The following TBX5 variants were observed in gnomAD, a reference collection of about 807,000 sequenced individuals.
The protein encoded by TBX5 is T-box transcription factor TBX5.
TBX5 carries 8 observed loss-of-function variants against 51.1 expected under a neutral mutation model. The observed-to-expected ratio is 0.16, with a 90% CI of 0.09 to 0.28. The LOEUF (loss-of-function observed/expected upper bound fraction) is 0.28. Among genes scored for constraint, TBX5 ranks in the 10% least tolerant of loss-of-function variants. TBX5 has a pLI of 1.00. For missense variants in TBX5, 589 were observed against 671.7 expected (o/e 0.88, Z 1.36); for synonymous variants, 302 against 266.4 (o/e 1.13, Z -1.30).
Position 114,355,482 on chromosome 12 carries a change from T to C in TBX5, c.*50A>G. On this transcript the variant is annotated 3_prime_UTR_variant, in exon 9 of 9. Transcript: ENST00000405440. ...TCTCTCTCCTTCTCTCTCTTTCTCC[T>C]CTCTCTCTCTCTTTCTCTAGGAAAT... The C allele has an allele frequency of 3.4e-6, 3 of 893,088 alleles. No individual in the cohort carries two copies. Among genetic ancestry groups the C allele is most frequent in the Admixed American group, 2.9e-5 (1 of 34,760 alleles). The allele number at this position is 893,088 out of a possible 1,614,324, so 55.3% of individuals were successfully genotyped here.
intron 8 of TBX5, among the ~76,000 whole-genome samples, chr12:114,363,975 C>T (rs915428043): frequency 1.1e-4 from 17 of 152,178 alleles, no homozygotes; most frequent in Admixed American, 2.6e-4. Flanking sequence ...CCGGGAGTCA[C>T]GCCAGGGGGC....
At chr12:114,403,957 G>T in intron 1 of TBX5, 21 bp from the exon 2 acceptor site, 1 of 1,591,952 alleles carries the variant, frequency 6.3e-7, no homozygotes, top group Non-Finnish European at 8.5e-7. Flanking sequence ...GAAGCAGGGG[G>T]AGATGGGGGT....
At chr12:114,396,138 G>T (rs1354323312) in intron 5 of TBX5, among the ~76,000 whole-genome samples, 1 of 152,076 alleles carries the variant, frequency 6.6e-6, no homozygotes, top group South Asian at 2.1e-4. Context: ...AGTTGGGGGA[G>T]GCGAGCCGCG....
Position 114,401,912 on chromosome 12 carries a change from C to T in TBX5, c.156G>A (p.Glu52=), listed in dbSNP as rs771883815. The change falls in exon 3 of 9, where the codon GAG becomes GAA. Residue 52 remains glutamate (E), a synonymous_variant. Transcript: ENST00000405440. The part of the protein sequence containing the change: ...PQAAFTQQGM[E]GIKVFLHERE... ...TTTCATGGAGAAACACTTTGATTCCCTCCATGCCCTGCAAGAAGGAGAAAA... is the reference window on the plus strand; with the variant it reads ...TTTCATGGAGAAACACTTTGATTCCTTCCATGCCCTGCAAGAAGGAGAAAA... 6.2e-7 allele frequency: 1 copy of T among 1,614,058 alleles called. No individual in the cohort carries two copies. Among genetic ancestry groups the T allele is most frequent in the African/African-American group, 1.3e-5 (1 of 74,928 alleles).
intron 7 of TBX5, among the ~76,000 whole-genome samples, chr12:114,378,686 G>A (rs1439048739): frequency 6.6e-6 from 1 of 152,160 alleles, no homozygotes; most frequent in East Asian, 1.9e-4. Context: ...GCCCAGGCTG[G>A]AGTGCAGTGG....
intron 8 of TBX5, among the ~76,000 whole-genome samples, chr12:114,362,690 G>C (rs965744699): frequency 2.6e-5 from 4 of 151,928 alleles, no homozygotes; most frequent in Admixed American, 2.6e-4. Context: ...TTTGAGACAG[G>C]GTCTCTCTCT....
chr12:114,365,169 TGTG>T (rs1469169410), intron 8 of TBX5, among the ~76,000 whole-genome samples: 1 of 11,396 alleles, frequency 8.8e-5, no homozygotes, highest in Non-Finnish European at 2.5e-4. Flanking sequence ...TCATTTGTGA[TGTG>T]TGTGTGTGTG....
At chr12:114,388,555 A>G (rs1870950748) in intron 6 of TBX5, among the ~76,000 whole-genome samples, 1 of 151,640 alleles carries the variant, frequency 6.6e-6, no homozygotes, top group Admixed American at 6.6e-5. Flanking sequence ...ATAGCTCACT[A>G]CAACATTGAC....
At chr12:114,393,653 C>T (rs3782466) in intron 6 of TBX5, among the ~76,000 whole-genome samples, 8,356 of 152,226 alleles carry the variant, frequency 0.055, 700 homozygotes, top group East Asian at 0.45. Context: ...GCTCCAAAGT[C>T]ATTGTCAAGC....
chr12:114,393,730 C>T (rs773263204), intron 6 of TBX5, among the ~76,000 whole-genome samples: 15 of 152,136 alleles, frequency 9.9e-5, no homozygotes, highest in East Asian at 9.7e-4. Context: ...ACAATCCATG[C>T]GACAGCATAC....
At chr12:114,379,772 C>T (rs1435658451) in intron 7 of TBX5, among the ~76,000 whole-genome samples, 1 of 152,202 alleles carries the variant, frequency 6.6e-6, no homozygotes, top group Non-Finnish European at 1.5e-5. Context: ...GTTGATTCAT[C>T]CTTGTATGCC....
At chr12:114,372,579 A>G (rs1869971789) in intron 7 of TBX5, among the ~76,000 whole-genome samples, 1 of 151,828 alleles carries the variant, frequency 6.6e-6, no homozygotes, top group African/African-American at 2.4e-5. Context: ...GCACTGGGAT[A>G]ATAGACATGA....
At chr12:114,394,636 C>A in intron 6 of TBX5, 105 bp downstream of exon 6, 1 of 1,521,352 alleles carries the variant, frequency 6.6e-7, no homozygotes, top group Non-Finnish European at 9.1e-7. Flanking sequence ...AAGTTGGTGA[C>A]TGCTGCCATT....
intron 3 of TBX5, among the ~76,000 whole-genome samples, chr12:114,401,413 G>T (rs566151258): frequency 1.3e-5 from 2 of 152,294 alleles, no homozygotes; most frequent in African/African-American, 4.8e-5. Flanking sequence ...TAAAGATAAA[G>T]TCCAAGATCC....
In TBX5 at chr12:114,385,562, C is replaced by A. The variant is rs376519728; in HGVS notation, c.669G>T (p.Thr223=). The change falls in exon 7 of 9, where the codon ACG becomes ACT. Residue 223 remains threonine (T), a synonymous_variant. Coordinates refer to ENST00000405440, the MANE Select transcript of TBX5 (RefSeq NM_181486.4). ...AVTSYQNHKI[T]QLKIENNPFA... Reference sequence around the variant, plus strand: ...AGGGATTATTCTCAATCTTTAATTGCGTGATCTGAAGGAAAGAGGAAGAGA... The same window carrying A: ...AGGGATTATTCTCAATCTTTAATTGAGTGATCTGAAGGAAAGAGGAAGAGA... The A allele has an allele frequency of 1.2e-6, 2 of 1,613,764 alleles. No homozygotes were observed. Among genetic ancestry groups the A allele is most frequent in the African/African-American group, 2.7e-5 (2 of 74,902 alleles).
At chr12:114,373,487 C>CTCGCTCTG (rs1870029237) in intron 7 of TBX5, among the ~76,000 whole-genome samples, 1 of 152,200 alleles carries the variant, frequency 6.6e-6, no homozygotes, top group Admixed American at 6.5e-5. Context: ...TTGAGACAGT[C>CTCGCTCTG]TCGCTCTGTC....
intron 3 of TBX5, among the ~76,000 whole-genome samples, chr12:114,400,909 T>C (rs1384560984): frequency 2.0e-5 from 3 of 152,082 alleles, no homozygotes; most frequent in South Asian, 2.1e-4. Context: ...GCGGGGGGCG[T>C]CTGGAAAGGC....
intron 7 of TBX5, among the ~76,000 whole-genome samples, chr12:114,381,764 C>T (rs907218594): frequency 1.3e-5 from 2 of 152,180 alleles, no homozygotes; most frequent in African/African-American, 4.8e-5. Context: ...AACCACTCTT[C>T]TTCACTCTTT....
At chr12:114,369,414 A>G (rs908719986) in intron 7 of TBX5, among the ~76,000 whole-genome samples, 7 of 152,230 alleles carry the variant, frequency 4.6e-5, no homozygotes, top group Non-Finnish European at 8.8e-5. Context: ...AGCCTGAAAC[A>G]TCATCCCCAA....
Sources: gnomAD v4.1 joint callset for allele counts (sites outside exome capture counted in the v4.1 genomes callset) on GRCh38, gnomAD v4.1.1 for gene constraint, MANE v1.5 for transcripts, NCBI Gene and HGNC (gene_info 2026-07-23, HGNC 2026-07-21) for gene names.